Variants in MANBA observed in about 807,000 individuals in gnomAD.
MANBA encodes the protein mannosidase beta, also known as beta-mannosidase.
A neutral mutation model predicts 111.1 loss-of-function variants in MANBA; 83 were observed. That is an observed-to-expected ratio of 0.75 (90% confidence interval 0.63 to 0.90). The LOEUF (loss-of-function observed/expected upper bound fraction) is 0.90. Among genes scored for constraint, MANBA ranks in the 40% least tolerant of loss-of-function variants. MANBA has a pLI of 0.00. For missense variants in MANBA, 1,036 were observed against 1,069.0 expected (o/e 0.97, Z 0.43); for synonymous variants, 370 against 378.7 (o/e 0.98, Z 0.27).
At chr4:102,729,885 T>C in intron 1 of MANBA, 2 of 1,533,550 alleles carry the variant, frequency 1.3e-6, no homozygotes, top group Middle Eastern at 3.5e-4. Flanking sequence ...GTTGAGGGTC[T>C]TGATCTGCTG....
chr4:102,701,727 C>G (rs1296129780), intron 5 of MANBA, among the ~76,000 whole-genome samples: 10 of 152,156 alleles, frequency 6.6e-5, no homozygotes, highest in Admixed American at 1.3e-4. Flanking sequence ...GCTGAGAGAT[C>G]CGCTGTTAGT....
At chr4:102,641,924 A>G (rs1170870999) in intron 13 of MANBA, among the ~76,000 whole-genome samples, 1 of 151,376 alleles carries the variant, frequency 6.6e-6, no homozygotes, top group East Asian at 1.9e-4. Flanking sequence ...ACAGGAAATT[A>G]GCATGAAAGA....
intron 5 of MANBA, among the ~76,000 whole-genome samples, chr4:102,707,790 A>G (rs961888673): frequency 2.0e-5 from 3 of 152,152 alleles, no homozygotes; most frequent in African/African-American, 7.2e-5. Flanking sequence ...AAAGACATAC[A>G]TGGACTGAAA....
intron 11 of MANBA, among the ~76,000 whole-genome samples, chr4:102,661,525 T>G (rs1211953138): frequency 6.6e-6 from 1 of 152,190 alleles, no homozygotes; most frequent in Admixed American, 6.5e-5. Flanking sequence ...TGTTTAAAAA[T>G]ATTTTTGCTA....
intron 7 of MANBA, chr4:102,682,790 A>C (rs537228854): frequency 1.3e-5 from 2 of 152,340 alleles, no homozygotes; most frequent in South Asian, 4.1e-4. Flanking sequence ...CAATGATGAG[A>C]AACTGGAAGG....
Position 102,702,001 on chromosome 4 carries a change from C to G in MANBA, c.674-11230G>C, listed in dbSNP as rs570299126. Among the ~76,000 whole-genome samples, 3 of 152,186 alleles carry G rather than the reference C, an allele frequency of 2.0e-5. No homozygotes were observed. In the South Asian group the frequency reaches 6.2e-4, roughly 31 times the overall value. ...CCCCGTCACTTTCAGGTACACCAGT[C>G]AGACGTAGATTTGGTCTTTTCACAT... is the stretch of plus-strand genomic sequence containing the variant. On this transcript the variant is annotated intron_variant, in intron 5 of 16. Transcript: ENST00000647097.
intron 5 of MANBA, among the ~76,000 whole-genome samples, chr4:102,701,518 G>T (rs368726384): frequency 0.027 from 4,114 of 151,946 alleles, 127 homozygotes; most frequent in African/African-American, 0.076. Context: ...TTTCCATGTT[G>T]AGTGCTTCCT....
chr4:102,739,332 AG>A (rs1723323291), intron 1 of MANBA, among the ~76,000 whole-genome samples: 1 of 152,238 alleles, frequency 6.6e-6, no homozygotes, highest in Non-Finnish European at 1.5e-5. Flanking sequence ...ACCAAAAAAA[AG>A]TCCAGGACCA....
intron 1 of MANBA, among the ~76,000 whole-genome samples, chr4:102,757,699 T>A (rs1724081829): frequency 6.6e-6 from 1 of 152,198 alleles, no homozygotes. Flanking sequence ...AGTCCCCTGG[T>A]TGGTCTCCAG....
At chr4:102,748,530 A>G (rs1328559077) in intron 1 of MANBA, among the ~76,000 whole-genome samples, 4 of 152,210 alleles carry the variant, frequency 2.6e-5, no homozygotes, top group African/African-American at 9.6e-5. Flanking sequence ...GGAAGAATAC[A>G]CAAGAAACCG....
intron 1 of MANBA, chr4:102,754,013 AAAAAG>A: frequency 2.8e-6 from 1 of 357,582 alleles, no homozygotes; most frequent in Admixed American, 4.1e-5. Flanking sequence ...AAAAAAAAAA[AAAAAG>A]AAAAAAAAAA....
chr4:102,663,303 G>C (rs1315609329), intron 11 of MANBA, among the ~76,000 whole-genome samples: 1 of 152,126 alleles, frequency 6.6e-6, no homozygotes, highest in Non-Finnish European at 1.5e-5. Flanking sequence ...ATGGGAAAAG[G>C]AGGATTAAGT....
At chr4:102,669,394 C>T (rs895180313) in intron 9 of MANBA, among the ~76,000 whole-genome samples, 1 of 152,186 alleles carries the variant, frequency 6.6e-6, no homozygotes, top group Non-Finnish European at 1.5e-5. Context: ...CAATTTTCAC[C>T]AGGCATTTGG....
At chr4:102,699,342 C>A (rs1402603541) in intron 5 of MANBA, among the ~76,000 whole-genome samples, 1 of 151,212 alleles carries the variant, frequency 6.6e-6, no homozygotes, top group African/African-American at 2.4e-5. Flanking sequence ...AATTGAATAC[C>A]CTTTATTTCC....
intron 5 of MANBA, among the ~76,000 whole-genome samples, chr4:102,695,864 T>C (rs749654012): frequency 6.6e-6 from 1 of 152,138 alleles, no homozygotes; most frequent in Non-Finnish European, 1.5e-5. Flanking sequence ...ATATATTCAA[T>C]GTAAAACAAA....
intron 11 of MANBA, chr4:102,662,800 G>C (rs1007854905): frequency 5.7e-5 from 9 of 157,274 alleles, no homozygotes; most frequent in Non-Finnish European, 5.6e-5. Context: ...GGAGTCTACT[G>C]TGCTACCCAG....
intron 11 of MANBA, among the ~76,000 whole-genome samples, chr4:102,662,396 T>G (rs1321587749): frequency 6.6e-6 from 1 of 151,710 alleles, no homozygotes; most frequent in Non-Finnish European, 1.5e-5. Context: ...AAAAATTAGC[T>G]GGGTGTGGTG....
At chr4:102,652,707 G>A (rs1196051876) in intron 12 of MANBA, among the ~76,000 whole-genome samples, 3 of 152,034 alleles carry the variant, frequency 2.0e-5, no homozygotes, top group Admixed American at 6.6e-5. Flanking sequence ...CCTGGACAAC[G>A]TAGTGAGACC....
At position 102,677,188 on chromosome 4, in the gene MANBA, A is replaced by C. The variant is rs73836817; in HGVS notation, c.961-3118T>G. ...TGACAGACAAACGATGGTTATTCAG[A>C]CTTGGATACCTGGCAGACATTCTCT... is the stretch of plus-strand genomic sequence containing the variant. On this transcript the variant is annotated intron_variant, in intron 7 of 16. Transcript: ENST00000647097. 9.2e-3 allele frequency among the ~76,000 whole-genome samples: 1,407 copies of C among 152,292 alleles called. 27 individuals carry two copies. The highest frequency in any genetic ancestry group is 0.032 in the African/African-American group (1,335 of 41,564).
Sources: allele counts gnomAD v4.1 joint callset (sites outside exome capture counted in the v4.1 genomes callset), GRCh38; gene constraint gnomAD v4.1.1; transcripts MANE v1.5; gene names NCBI Gene and HGNC (gene_info 2026-07-23, HGNC 2026-07-21).